The following CELSR2 variants were observed in gnomAD, a reference collection of about 807,000 sequenced individuals.
CELSR2 encodes the protein EGF-like protein 2.
Under a neutral mutation model 251.6 loss-of-function variants are expected in CELSR2, and 81 were observed. The ratio of observed to expected loss-of-function variants is 0.32; its 90% CI spans 0.27 to 0.39. The LOEUF (loss-of-function observed/expected upper bound fraction) is 0.39. Among genes scored for constraint, CELSR2 ranks in the 10% least tolerant of loss-of-function variants. The probability of loss-of-function intolerance (pLI) is 1.00; values close to 1 mark genes in which losing one functional copy is unlikely to be tolerated. For missense variants in CELSR2, 3,365 were observed against 3,947.7 expected, an observed-to-expected ratio of 0.85 and a Z score of 3.96; for synonymous variants, 1,721 against 1,670.5, an observed-to-expected ratio of 1.03 and a Z score of -0.74.
rs767541882 is a variant in CELSR2 at position 109,263,136 on chromosome 1, T to C, written c.4709-6T>C. On this transcript the variant is annotated splice_polypyrimidine_tract_variant and splice_region_variant and intron_variant, in intron 7 of 33. Coordinates refer to ENST00000271332, the MANE Select transcript of CELSR2 (RefSeq NM_001408.3). The stretch of plus-strand genomic sequence containing the variant: ...GGTCCACTGAGCTGCCTTCTCTCCA[T>C]TCCAGGCTGCCCTGCCAAGAAGAAC... 6.3e-7 allele frequency: 1 copy of C among 1,594,904 alleles called. No homozygotes were observed. Among genetic ancestry groups the C allele is most frequent in the South Asian group, 1.1e-5 (1 of 90,502 alleles).
chr1:109,264,184 A>G lies in CELSR2; in HGVS notation c.5108A>G (p.Gln1703Arg), dbSNP rs1349813769. 1.2e-6 allele frequency: 2 copies of G among 1,613,000 alleles called. No individual in the cohort carries two copies. The highest frequency in any genetic ancestry group is 2.2e-5 in the South Asian group (2 of 91,082). ...AATGACGGTGACTGGCACCATGCACAGCTGGCACTGGGAGCCAGCGGGGGG... is the reference window on the plus strand; with the variant it reads ...AATGACGGTGACTGGCACCATGCACGGCTGGCACTGGGAGCCAGCGGGGGG... ...RANDGDWHHA[Q>R]LALGASGGPG... The change falls in exon 10 of 34, where the codon CAG (glutamine) becomes CGG (arginine). Residue 1703 changes from glutamine (Q) to arginine (R), a missense_variant. Coordinates refer to ENST00000271332, the MANE Select transcript of CELSR2 (RefSeq NM_001408.3).
intron 15 of CELSR2, among the ~76,000 whole-genome samples, chr1:109,267,199 C>T (rs1656223817): frequency 6.6e-6 from 1 of 151,842 alleles, no homozygotes; most frequent in Non-Finnish European, 1.5e-5. Flanking sequence ...GGCTGCTGAC[C>T]CAGGACACCC....
At position 109,263,628 on chromosome 1, in the gene CELSR2, C is replaced by T. The variant is rs755042858; in HGVS notation, c.4852C>T (p.His1618Tyr). 2 of 1,613,852 alleles carry T rather than the reference C, an allele frequency of 1.2e-6. No individual in the cohort carries two copies. Among genetic ancestry groups the T allele is most frequent in the Non-Finnish European group, 1.7e-6 (2 of 1,179,912 alleles). Residue 1618 changes from histidine to tyrosine, a missense_variant, in exon 9 of 34, where the codon CAC becomes TAC. Transcript: ENST00000271332. Reference protein sequence around the residue: ...SCAQEMANPQHFLGSSLVAWH... With the variant: ...SCAQEMANPQYFLGSSLVAWH... Reference sequence around the variant, plus strand: ...CTCCCCAGAAATGGCCAATCCACAGCACTTCCTGGGCAGCAGCCTGGTGGC... The same window carrying T: ...CTCCCCAGAAATGGCCAATCCACAGTACTTCCTGGGCAGCAGCCTGGTGGC...
chr1:109,268,518 C>T, intron 17 of CELSR2, 63 bp from the exon 18 acceptor site: 4 of 1,530,550 alleles, frequency 2.6e-6, no homozygotes, highest in Non-Finnish European at 3.5e-6. Context: ...CAGGCCGGGG[C>T]TCCATGGTGG....
Position 109,251,876 on chromosome 1 carries a change from T to A in CELSR2, c.1797T>A (p.Thr599=), listed in dbSNP as rs200823215. The change falls in exon 1 of 34, where the codon ACT becomes ACA. Residue 599 remains threonine (T), a synonymous_variant. Coordinates refer to ENST00000271332, the MANE Select transcript of CELSR2 (RefSeq NM_001408.3). The surrounding 1 kb of genome is among the most constrained non-coding windows in gnomAD (Gnocchi z 4.9). ...CTGCCTCGGCCAGTGTCAGCGTGAC[T>A]GTCCTGGATGTCAACGACAACAATC... ...ALTASASVSV[T]VLDVNDNNPT... is the part of the protein sequence containing the mutation. The A allele has an allele frequency of 2.0e-5, 33 of 1,614,008 alleles. No individual in the cohort carries two copies. Among genetic ancestry groups the A allele is most frequent in the Non-Finnish European group, 2.8e-5 (33 of 1,180,024 alleles).
Position 109,273,239 on chromosome 1 carries a change from C to T in CELSR2, c.8412C>T (p.Asn2804=), listed in dbSNP as rs149569254. 881 of 1,613,114 alleles carry T rather than the reference C, an allele frequency of 5.5e-4. No homozygotes were observed. Among genetic ancestry groups the T allele is most frequent in the Non-Finnish European group, 4.8e-4 (561 of 1,179,600 alleles). The part of the protein sequence containing the change: ...FGTTAKESSG[N]GAPEERLREN... ...CCACAGCAAAAGAGAGTAGTGGCAACGGGGCCCCTGAGGAGCGGCTGCGGG... is the reference window on the plus strand; with the variant it reads ...CCACAGCAAAAGAGAGTAGTGGCAATGGGGCCCCTGAGGAGCGGCTGCGGG... The change falls in exon 32 of 34, where the codon AAC becomes AAT. Residue 2804 remains asparagine (N), a synonymous_variant. Transcript: ENST00000271332.
Position 109,269,758 on chromosome 1 carries a change from G to C in CELSR2, c.7045G>C (p.Val2349Leu), listed in dbSNP as rs750587946. 4 of 1,613,830 alleles carry C rather than the reference G, an allele frequency of 2.5e-6. No individual in the cohort carries two copies. The highest frequency in any genetic ancestry group is 3.3e-4 in the Middle Eastern group (2 of 6,062). ...CEVVFRNESHVSCQCNHMTSF... is the reference protein window; with the variant it reads ...CEVVFRNESHLSCQCNHMTSF... ...AGTCGTCTTCCGCAATGAGAGCCAC[G>C]TCAGCTGCCAGTGCAACCACATGAC... is the stretch of plus-strand genomic sequence containing the variant. Residue 2349 changes from valine (V) to leucine (L), a missense_variant, in exon 22 of 34, where the codon GTC becomes CTC. This residue lies in a region of CELSR2 where 2,093 missense variants were observed against 2,382.8 expected (regional missense o/e 0.88). Coordinates refer to ENST00000271332, the MANE Select transcript of CELSR2 (RefSeq NM_001408.3). The surrounding 1 kb of genome is among the most constrained non-coding windows in gnomAD (Gnocchi z 6.4).
chr1:109,261,865 G>A lies in CELSR2; in HGVS notation c.4355G>A (p.Trp1452Ter). Reference sequence around the variant, plus strand: ...CCCGGAGGAGTCAGTGATGGCCAGTGGCATACGGTGCAGCTGAAATACTAC... The same window carrying A: ...CCCGGAGGAGTCAGTGATGGCCAGTAGCATACGGTGCAGCTGAAATACTAC... ...FVPGGVSDGQWHTVQLKYYNK... is the reference protein window; with the variant it reads ...FVPGGVSDGQ The change falls in exon 5 of 34, where the codon TGG (tryptophan) becomes TAG (stop). Residue 1452 changes from tryptophan (W) to a stop codon, truncating the protein, a stop_gained. Transcript: ENST00000271332. LOFTEE classifies it high-confidence loss of function. The surrounding 1 kb of genome is among the most constrained non-coding windows in gnomAD (Gnocchi z 4.8). 6.3e-7 allele frequency: 1 copy of A among 1,590,250 alleles called. No individual in the cohort carries two copies. Among genetic ancestry groups the A allele is most frequent in the Non-Finnish European group, 8.6e-7 (1 of 1,166,642 alleles).
chr1:109,267,953 G>A lies in CELSR2; in HGVS notation c.6211G>A (p.Gly2071Ser), dbSNP rs535017236. ...CACGCAGCACACAGCTGGCTACTTC[G>A]GCAGCGACGTCAAGGTGGCCTACCA... ...NATQHTAGYF[G>S]SDVKVAYQLA... The change falls in exon 17 of 34, where the codon GGC (glycine) becomes AGC (serine). Residue 2071 changes from glycine (G) to serine (S), a missense_variant. Around this residue, in one of 5 missense-constraint regions of CELSR2, gnomAD observed 2,093 missense variants for 2,382.8 expected, o/e 0.88. Transcript: ENST00000271332. The A allele has an allele frequency of 5.0e-6, 8 of 1,611,758 alleles. No homozygotes were observed. Among genetic ancestry groups the A allele is most frequent in the African/African-American group, 2.7e-5 (2 of 75,056 alleles).
In CELSR2 at chr1:109,251,654, C is replaced by T. The variant is rs368310539; in HGVS notation, c.1575C>T (p.Leu525=). ...GTGTCCCCTTAGGCTACCTGGTTCT[C>T]CATGTCCAGGCTATCGACGCTGATG... ...LESVPLGYLV[L]HVQAIDADAG... is the part of the protein sequence containing the mutation. The change falls in exon 1 of 34, where the codon CTC becomes CTT. Residue 525 remains leucine, a synonymous_variant. Coordinates refer to ENST00000271332, the MANE Select transcript of CELSR2 (RefSeq NM_001408.3). This position sits in a 1 kb window ranked among gnomAD's most constrained non-coding sequence, Gnocchi z 4.9. 87 of 1,613,850 alleles carry T rather than the reference C, an allele frequency of 5.4e-5. No individual in the cohort carries two copies. Among genetic ancestry groups the T allele is most frequent in the Admixed American group, 3.2e-4 (19 of 59,998 alleles).
Position 109,261,693 on chromosome 1 carries a change from C to T in CELSR2, c.4297+65C>T. 1.3e-6 allele frequency: 2 copies of T among 1,561,742 alleles called. No individual in the cohort carries two copies. Among genetic ancestry groups the T allele is most frequent in the Non-Finnish European group, 8.8e-7 (1 of 1,134,312 alleles). On this transcript the variant is annotated intron_variant, in intron 4 of 33. Transcript: ENST00000271332. The surrounding 1 kb of genome is among the most constrained non-coding windows in gnomAD (Gnocchi z 4.8). ...GGCCCCAAGTCTTCCAGCCCCTGAC[C>T]CCAAGCCACATACTCTATCAGCCAA...
rs760959194 is a variant in CELSR2 at position 109,268,888 on chromosome 1, G to A, written c.6511G>A (p.Val2171Ile). 3.7e-5 allele frequency: 60 copies of A among 1,609,616 alleles called. No homozygotes were observed. Among genetic ancestry groups the A allele is most frequent in the East Asian group, 4.5e-5 (2 of 44,734 alleles). The change falls in exon 19 of 34, where the codon GTA becomes ATA. Residue 2171 changes from valine (V) to isoleucine (I), a missense_variant. Physicochemically the swap from Val to Ile is conservative, Grantham distance 29. Coordinates refer to ENST00000271332, the MANE Select transcript of CELSR2 (RefSeq NM_001408.3). Reference protein sequence around the residue: ...TIVTPNIVISVVRLDKGNFAG... With the variant: ...TIVTPNIVISIVRLDKGNFAG... ...ACCATCCCCTTCCTTAGTCATCTCC[G>A]TAGTGCGCTTGGACAAAGGGAACTT...
intron 1 of CELSR2, among the ~76,000 whole-genome samples, chr1:109,257,957 A>C (rs1655903985): frequency 6.7e-6 from 1 of 148,790 alleles, no homozygotes; most frequent in African/African-American, 2.5e-5. Flanking sequence ...CAGTTTACCC[A>C]CTCCCCCCCA....
At chr1:109,263,860 A>C in intron 9 of CELSR2, 83 bp downstream of exon 9, 2 of 1,528,062 alleles carry the variant, frequency 1.3e-6, no homozygotes, top group Non-Finnish European at 1.8e-6. Flanking sequence ...GTGGCTGGGC[A>C]GGTCCTGGGC....
At chr1:109,256,908 T>C (rs1399828153) in intron 1 of CELSR2, among the ~76,000 whole-genome samples, 1 of 152,192 alleles carries the variant, frequency 6.6e-6, no homozygotes, top group Non-Finnish European at 1.5e-5. Flanking sequence ...TCCACCCGCC[T>C]CAGCCTCCCA....
In CELSR2 at chr1:109,250,273, T is replaced by G; in HGVS notation, c.194T>G (p.Leu65Arg). The G allele has an allele frequency of 6.2e-7, 1 of 1,612,596 alleles. No individual in the cohort carries two copies. The highest frequency in any genetic ancestry group is 8.5e-7 in the Non-Finnish European group (1 of 1,179,752). ...GWLCPSSASN[L>R]WLYTSRCRDA... ...CTCTGTCCATCCTCAGCGTCGAACC[T>G]CTGGCTCTACACCAGCCGCTGCAGG... The change falls in exon 1 of 34, where the codon CTC (leucine) becomes CGC (arginine). Residue 65 changes from leucine (L) to arginine (R), a missense_variant. Leu to Arg is a moderately radical substitution (Grantham distance 102). Transcript: ENST00000271332. The surrounding 1 kb of genome is among the most constrained non-coding windows in gnomAD (Gnocchi z 4.4).
At position 109,271,067 on chromosome 1, in the gene CELSR2, C is replaced by T. The variant is rs768852276; in HGVS notation, c.7596+28C>T. ...GAGTGCTAGCAGGTGGGTTGGGTGT[C>T]ACCTGTGGCCCTCCTTTGCTGTCCT... On this transcript the variant is annotated intron_variant, in intron 25 of 33. Coordinates refer to ENST00000271332, the MANE Select transcript of CELSR2 (RefSeq NM_001408.3). 5 of 1,583,914 alleles carry T rather than the reference C, an allele frequency of 3.2e-6. No homozygotes were observed. The Admixed American group carries it at 6.7e-5, about 21-fold the overall frequency.
chr1:109,255,107 C>T (rs774113978), intron 1 of CELSR2, among the ~76,000 whole-genome samples: 9 of 152,158 alleles, frequency 5.9e-5, no homozygotes, highest in African/African-American at 2.2e-4. Context: ...CCTCCTGGCC[C>T]GGCAGCTCTG....
In CELSR2 at chr1:109,259,015, C is replaced by A; in HGVS notation, c.3894C>A (p.Gly1298=). The A allele has an allele frequency of 6.2e-7, 1 of 1,602,602 alleles. No homozygotes were observed. Among genetic ancestry groups the A allele is most frequent in the Non-Finnish European group, 8.5e-7 (1 of 1,178,048 alleles). ...ACCTCTGCTACTCGCGGCCCTGTGG[C>A]CCCCACGGGCGCTGCCGCAGCCGCG... is the stretch of plus-strand genomic sequence containing the variant. The part of the protein sequence containing the change: ...EVDLCYSRPC[G]PHGRCRSREG... Residue 1298 remains glycine, a synonymous_variant, in exon 2 of 34, where the codon GGC becomes GGA. Transcript: ENST00000271332.
Sources: gnomAD v4.1 joint callset for allele counts (sites outside exome capture counted in the v4.1 genomes callset) on GRCh38, gnomAD v4.1.1 for gene constraint, gnomAD v4.1.1 regional missense constraint, Gnocchi (gnomAD v3.1) non-coding constraint, MANE v1.5 for transcripts, NCBI Gene and HGNC (gene_info 2026-07-23, HGNC 2026-07-21) for gene names.